CADPS: variants seen among roughly 807,000 people sequenced by gnomAD.
CADPS encodes the protein calcium dependent secretion activator, also known as calcium-dependent secretion activator 1.
CADPS carries 57 observed loss-of-function variants against 167.3 expected under a neutral mutation model. That is an observed-to-expected ratio of 0.34 (90% CI 0.28 to 0.42). The LOEUF is 0.42. Among genes scored for constraint, CADPS ranks in the 20% least tolerant of loss-of-function variants. The probability of loss-of-function intolerance (pLI) is 1.00; values close to 1 mark genes in which losing one functional copy is unlikely to be tolerated. For missense variants in CADPS, 1,414 were observed against 1,738.1 expected, an observed-to-expected ratio of 0.81 and a Z score of 3.32; for synonymous variants, 676 against 635.3, an observed-to-expected ratio of 1.06 and a Z score of -0.96.
intron 3 of CADPS, among the ~76,000 whole-genome samples, chr3:62,742,681 C>T (rs1190210847): frequency 6.6e-6 from 1 of 152,074 alleles, no homozygotes; most frequent in Non-Finnish European, 1.5e-5. Context: ...CCCTGGAAGA[C>T]AACCTAGGCA....
intron 3 of CADPS, among the ~76,000 whole-genome samples, chr3:62,689,905 G>A (rs565627033): frequency 7.0e-4 from 107 of 152,112 alleles, no homozygotes; most frequent in Non-Finnish European, 5.7e-4. Flanking sequence ...AACAGGAAAA[G>A]CAAAGTATGT....
chr3:62,859,356 A>G (rs1235525037), intron 1 of CADPS, among the ~76,000 whole-genome samples: 1 of 152,200 alleles, frequency 6.6e-6, no homozygotes, highest in Non-Finnish European at 1.5e-5. Flanking sequence ...AGGCGGGAAC[A>G]AGTGACACAT....
rs1010838582 is a variant in CADPS, at chr3:62,433,379, C to A, written c.3777+4725G>T. 6.6e-6 allele frequency among the ~76,000 whole-genome samples: 1 copy of A among 152,144 alleles called. No homozygotes were observed. Among genetic ancestry groups the A allele is most frequent in the Non-Finnish European group, 1.5e-5 (1 of 68,032 alleles). On this transcript the variant is annotated intron_variant, in intron 28 of 29. Transcript: ENST00000383710. This position sits in a 1 kb window ranked among gnomAD's most constrained non-coding sequence, Gnocchi z 4.7. ...AAAGAATACTGAGTAGCAGCCCCTT[C>A]CGAAGCTGACCACACTGCTTGATTA...
At chr3:62,400,662 C>G (rs919666155) in intron 29 of CADPS, among the ~76,000 whole-genome samples, 6 of 143,486 alleles carry the variant, frequency 4.2e-5, no homozygotes, top group African/African-American at 1.6e-4. Flanking sequence ...TGCAGCAGAT[C>G]GATCTCGGCT....
At chr3:62,783,155 C>T (rs1017207640) in intron 1 of CADPS, among the ~76,000 whole-genome samples, 2 of 152,166 alleles carry the variant, frequency 1.3e-5, no homozygotes, top group East Asian at 1.9e-4. Context: ...TGGCTTTACT[C>T]GCACAAAGGT....
chr3:62,407,983 T>A (rs1034484802), intron 28 of CADPS, among the ~76,000 whole-genome samples: 23 of 152,244 alleles, frequency 1.5e-4, no homozygotes, highest in African/African-American at 5.5e-4. Flanking sequence ...GATCTGCCCA[T>A]CTTGGCTTCC....
intron 28 of CADPS, among the ~76,000 whole-genome samples, chr3:62,418,431 C>G: frequency 6.8e-6 from 1 of 146,952 alleles, no homozygotes; most frequent in Non-Finnish European, 1.5e-5. Flanking sequence ...CTTAAGTGAT[C>G]CTCCTGCCTC....
chr3:62,662,092 G>T (rs1339345714), intron 4 of CADPS, among the ~76,000 whole-genome samples: 1 of 152,160 alleles, frequency 6.6e-6, no homozygotes, highest in African/African-American at 2.4e-5. Flanking sequence ...GAATGTTGGA[G>T]GTCTGAGCTT....
At chr3:62,621,788 C>A (rs922072624) in intron 6 of CADPS, among the ~76,000 whole-genome samples, 1 of 152,014 alleles carries the variant, frequency 6.6e-6, no homozygotes, top group Non-Finnish European at 1.5e-5. Context: ...CCCCTCTATA[C>A]CTCCGTGAGT....
intron 11 of CADPS, among the ~76,000 whole-genome samples, chr3:62,547,587 C>CG (rs1553906057): frequency 4.8e-5 from 2 of 41,806 alleles, no homozygotes; most frequent in Admixed American, 1.9e-4. Flanking sequence ...ATCATTTACG[C>CG]CCCCCCCCCC....
chr3:62,442,073 A>T (rs1393496591), intron 27 of CADPS, among the ~76,000 whole-genome samples: 5 of 152,212 alleles, frequency 3.3e-5, no homozygotes, highest in Admixed American at 1.3e-4. Flanking sequence ...AAATAATAAT[A>T]AAAGCTGAAT....
intron 24 of CADPS, chr3:62,466,757 AAC>A (rs138644318): frequency 3.9e-6 from 1 of 256,404 alleles, no homozygotes; most frequent in African/African-American, 2.2e-5. Flanking sequence ...GTAATAATTT[AAC>A]ACAGGAGATT....
intron 26 of CADPS, among the ~76,000 whole-genome samples, chr3:62,451,129 G>A (rs1207586803): frequency 1.3e-5 from 2 of 152,052 alleles, no homozygotes; most frequent in East Asian, 3.9e-4. Flanking sequence ...GTCCAAAATA[G>A]TTTCTCTGGC....
Position 62,648,175 on chromosome 3 carries a change from A to ATC in CADPS, c.1204-2333_1204-2332insGA, listed in dbSNP as rs538574367. On this transcript the variant is annotated intron_variant, in intron 5 of 29. Coordinates refer to ENST00000383710, the MANE Select transcript of CADPS (RefSeq NM_003716.4). ...TGTGCCCACCAAAACACATTCACAA[A>ATC]CAGATGTGCAATGGTTTTTGCTGGC... is the stretch of plus-strand genomic sequence containing the variant. 7.2e-5 allele frequency among the ~76,000 whole-genome samples: 11 copies of ATC among 152,254 alleles called. No individual in the cohort carries two copies. In the East Asian group the frequency reaches 1.5e-3, roughly 21 times the overall value.
At chr3:62,630,669 A>G (rs776125696) in intron 6 of CADPS, among the ~76,000 whole-genome samples, 29 of 152,160 alleles carry the variant, frequency 1.9e-4, no homozygotes, top group Non-Finnish European at 2.9e-4. Context: ...TAAAGTAAGT[A>G]TTCCTATGAA....
intron 1 of CADPS, among the ~76,000 whole-genome samples, chr3:62,864,462 C>T (rs2081333694): frequency 6.6e-6 from 1 of 152,154 alleles, no homozygotes; most frequent in African/African-American, 2.4e-5. Context: ...AGGTGATGAT[C>T]AAGGTGTCAT....
chr3:62,416,530 C>T (rs2050092693), intron 28 of CADPS, among the ~76,000 whole-genome samples: 1 of 152,156 alleles, frequency 6.6e-6, no homozygotes, highest in African/African-American at 2.4e-5. Context: ...GAGTAAGGGC[C>T]TTTTCACCTT....
chr3:62,842,184 T>A (rs2218040), intron 1 of CADPS, among the ~76,000 whole-genome samples: 146,682 of 152,302 alleles, frequency 0.96, 70,707 homozygotes, highest in East Asian at 1. Context: ...GAACAAGAAC[T>A]CTAACAACAG....
chr3:62,809,827 A>G (rs1446128426), intron 1 of CADPS, among the ~76,000 whole-genome samples: 2 of 152,186 alleles, frequency 1.3e-5, no homozygotes, highest in African/African-American at 4.8e-5. Flanking sequence ...AATACCATAC[A>G]CATCAGAATA....
Sources: allele counts gnomAD v4.1 joint callset (sites outside exome capture counted in the v4.1 genomes callset), GRCh38; gene constraint gnomAD v4.1.1; non-coding constraint Gnocchi (gnomAD v3.1); transcripts MANE v1.5; gene names NCBI Gene and HGNC (gene_info 2026-07-23, HGNC 2026-07-21).